CFH: variants seen among roughly 807,000 people sequenced by gnomAD.
CFH encodes the protein complement factor H.
A neutral mutation model predicts 147.3 loss-of-function variants in CFH; 53 were observed. That is an observed-to-expected ratio of 0.36 (90% CI 0.29 to 0.45). The LOEUF (loss-of-function observed/expected upper bound fraction) is 0.45, where lower values mean the gene tolerates loss of function less well. Ranked by LOEUF, CFH falls within the 20% of genes least tolerant of loss-of-function variation. The pLI is 1.00. For synonymous variants in CFH, 536 were observed against 489.4 expected, an observed-to-expected ratio of 1.10 and a Z score of -1.26; for missense variants, 1,380 against 1,498.0, an observed-to-expected ratio of 0.92 and a Z score of 1.30.
rs1480626175 is a variant in CFH at position 196,679,683 on chromosome 1, A to T, written c.680A>T (p.Tyr227Phe). 6.2e-7 allele frequency: 1 copy of T among 1,608,768 alleles called. No individual in the cohort carries two copies. The highest frequency in any genetic ancestry group is 1.7e-5 in the Admixed American group (1 of 59,740). Residue 227 changes from tyrosine to phenylalanine, a missense_variant, in exon 6 of 22, where the codon TAT (tyrosine) becomes TTT (phenylalanine). Physicochemically the swap from Tyr to Phe is conservative, Grantham distance 22. Around this residue, in one of 4 missense-constraint regions of CFH, gnomAD observed 167 missense variants for 228.0 expected, o/e 0.73. Transcript: ENST00000367429. ...NGSPISQKII[Y>F]KENERFQYKC... ...TCTCCTATATCTCAGAAGATTATTT[A>T]TAAGGAGAATGAACGATTTCAATAT...
Position 196,685,144 on chromosome 1 carries a change from A to T in CFH, c.871A>T (p.Thr291Ser), listed in dbSNP as rs1667782740. Reference sequence around the variant, plus strand: ...TAAACACAGAACTGGAGATGAAATCACGTACCAGTGTAGAAATGGTTTTTA... The same window carrying T: ...TAAACACAGAACTGGAGATGAAATCTCGTACCAGTGTAGAAATGGTTTTTA... ...RIKHRTGDEITYQCRNGFYPA... is the reference protein window; with the variant it reads ...RIKHRTGDEISYQCRNGFYPA... The change falls in exon 7 of 22, where the codon ACG (threonine) becomes TCG (serine). Residue 291 changes from threonine (T) to serine (S), a missense_variant. Thr to Ser is a moderately conservative substitution (Grantham distance 58). This residue lies in a region of CFH where 167 missense variants were observed against 228.0 expected (regional missense o/e 0.73). Coordinates refer to ENST00000367429, the MANE Select transcript of CFH (RefSeq NM_000186.4). 6.2e-7 allele frequency: 1 copy of T among 1,612,808 alleles called. No individual in the cohort carries two copies. The highest frequency in any genetic ancestry group is 8.5e-7 in the Non-Finnish European group (1 of 1,179,012).
chr1:196,690,127 G>A lies in CFH; in HGVS notation c.1224G>A (p.Gln408=). The change falls in exon 9 of 22, where the codon CAG becomes CAA. Residue 408 remains glutamine (Q), a synonymous_variant. Coordinates refer to ENST00000367429, the MANE Select transcript of CFH (RefSeq NM_000186.4). The stretch of plus-strand genomic sequence containing the variant: ...AAAATCATGGAAGAAAGTTTGTACA[G>A]GGTAAATCTATAGACGTTGCCTGCC... ...YNQNHGRKFV[Q]GKSIDVACHP... 6.2e-7 allele frequency: 1 copy of A among 1,612,980 alleles called. No homozygotes were observed. Among genetic ancestry groups the A allele is most frequent in the Non-Finnish European group, 8.5e-7 (1 of 1,179,300 alleles).
chr1:196,679,916 A>T (rs1667591800), intron 6 of CFH, 123 bp downstream of exon 6: 2 of 879,096 alleles, frequency 2.3e-6, no homozygotes, highest in African/African-American at 3.4e-5. Context: ...AACTATTATA[A>T]AAAACATATA....
intron 1 of CFH, among the ~76,000 whole-genome samples, chr1:196,667,735 G>T (rs1333639343): frequency 1.3e-5 from 2 of 151,858 alleles, no homozygotes; most frequent in Non-Finnish European, 2.9e-5. Flanking sequence ...ACTTACTTTT[G>T]CCTCAATTTT....
At chr1:196,686,802 C>T (rs1404469277) in intron 7 of CFH, among the ~76,000 whole-genome samples, 1 of 152,090 alleles carries the variant, frequency 6.6e-6, no homozygotes, top group Non-Finnish European at 1.5e-5. Flanking sequence ...TAATGTTTGA[C>T]AATGAACCAT....
chr1:196,656,309 GAAAAA>G (rs111440999), intron 1 of CFH, among the ~76,000 whole-genome samples: 1 of 84,988 alleles, frequency 1.2e-5, no homozygotes, highest in Non-Finnish European at 3.0e-5. Flanking sequence ...ATCTCAAAAA[GAAAAA>G]AAAAAAAAAG....
At position 196,745,842 on chromosome 1, in the gene CFH, T is replaced by C. The variant is rs1348490935; in HGVS notation, c.3336T>C (p.Pro1112=). Residue 1112 remains proline (P), a synonymous_variant, in exon 21 of 22, where the codon CCT becomes CCC. Coordinates refer to ENST00000367429, the MANE Select transcript of CFH (RefSeq NM_000186.4). ...ATTCTACAGGAAAATGTGGGCCCCC[T>C]CCACCTATTGACAATGGGGACATTA... The part of the protein sequence containing the change: ...CKDSTGKCGP[P]PPIDNGDITS... 1.9e-6 allele frequency: 3 copies of C among 1,614,086 alleles called. No homozygotes were observed. The highest frequency in any genetic ancestry group is 2.2e-5 in the East Asian group (1 of 44,866).
chr1:196,669,550 T>G (rs1408748858), intron 1 of CFH, among the ~76,000 whole-genome samples: 1 of 152,206 alleles, frequency 6.6e-6, no homozygotes, highest in East Asian at 1.9e-4. Context: ...ACATACAGCT[T>G]GGGCCATTGC....
At chr1:196,693,425 T>C (rs1668135080) in intron 9 of CFH, among the ~76,000 whole-genome samples, 1 of 152,128 alleles carries the variant, frequency 6.6e-6, no homozygotes, top group African/African-American at 2.4e-5. Flanking sequence ...AGAAAAAAGC[T>C]GCACTAGTCC....
intron 1 of CFH, among the ~76,000 whole-genome samples, chr1:196,671,181 T>C (rs932630080): frequency 1.3e-5 from 2 of 152,152 alleles, no homozygotes; most frequent in Non-Finnish European, 2.9e-5. Context: ...ATATCTTTTT[T>C]AAATTTTCAT....
intron 15 of CFH, among the ~76,000 whole-genome samples, chr1:196,736,333 C>T (rs372161272): frequency 6.6e-6 from 1 of 152,028 alleles, no homozygotes; most frequent in East Asian, 1.9e-4. Flanking sequence ...GGTCAAGTGT[C>T]AGTACCAAAT....
Position 196,736,950 on chromosome 1 carries a change from A to G in CFH, c.2540A>G (p.Glu847Gly). ...TGCCAAGAAAATTATCTAATTCAGG[A>G]AGGAGAAGAAATTACATGCAAAGAT... The part of the protein sequence containing the change: ...VLCQENYLIQ[E>G]GEEITCKDGR... Residue 847 changes from glutamate to glycine, a missense_variant, in exon 16 of 22, where the codon GAA (glutamate) becomes GGA (glycine). This residue lies in a region of CFH where 830 missense variants were observed against 821.4 expected (regional missense o/e 1.01). Coordinates refer to ENST00000367429, the MANE Select transcript of CFH (RefSeq NM_000186.4). 1 of 1,612,088 alleles carries G rather than the reference A, an allele frequency of 6.2e-7. No homozygotes were observed. Among genetic ancestry groups the G allele is most frequent in the Non-Finnish European group, 8.5e-7 (1 of 1,178,694 alleles).
chr1:196,714,664 TATATAGAGAGAGAGAGAG>T (rs1202683529), intron 10 of CFH, among the ~76,000 whole-genome samples: 205 of 31,702 alleles, frequency 6.5e-3, no homozygotes, highest in Admixed American at 0.014. Context: ...TATATATATA[TATATAGAGAGAGAGAGAG>T]AGAGAGAGAG....
intron 12 of CFH, 57 bp from the exon 13 acceptor site, chr1:196,726,412 AT>A: frequency 3.7e-6 from 5 of 1,344,630 alleles, no homozygotes; most frequent in Admixed American, 1.9e-5. Flanking sequence ...ATTTTACTGA[AT>A]TTTTATATTG....
intron 1 of CFH, among the ~76,000 whole-genome samples, chr1:196,655,156 A>G (rs1558147454): frequency 6.6e-6 from 1 of 152,188 alleles, no homozygotes; most frequent in Admixed American, 6.5e-5. Context: ...AATTATTATC[A>G]TCTGACAACT....
chr1:196,697,398 T>G (rs1024128646), intron 9 of CFH, among the ~76,000 whole-genome samples: 6 of 152,212 alleles, frequency 3.9e-5, no homozygotes, highest in African/African-American at 1.2e-4. Flanking sequence ...AAAAGACACA[T>G]GAAAAAATGC....
chr1:196,741,814 G>T, intron 18 of CFH, 61 bp from the exon 19 acceptor site: 1 of 1,439,234 alleles, frequency 6.9e-7, no homozygotes, highest in East Asian at 2.3e-5. Context: ...TCCATTACAT[G>T]TATTGTATGT....
At chr1:196,698,451 C>G (rs1034079442) in intron 9 of CFH, among the ~76,000 whole-genome samples, 3 of 152,104 alleles carry the variant, frequency 2.0e-5, no homozygotes, top group Non-Finnish European at 4.4e-5. Context: ...CACCTCTACA[C>G]AAATAAAGTA....
intron 15 of CFH, among the ~76,000 whole-genome samples, chr1:196,730,638 C>A (rs1335463508): frequency 6.6e-6 from 1 of 151,712 alleles, no homozygotes; most frequent in African/African-American, 2.4e-5. Flanking sequence ...TATTGATATT[C>A]TGTCTGGATG....
Sources: allele counts gnomAD v4.1 joint callset (sites outside exome capture counted in the v4.1 genomes callset), GRCh38; gene constraint gnomAD v4.1.1; regional missense constraint gnomAD v4.1.1; transcripts MANE v1.5; gene names NCBI Gene and HGNC (gene_info 2026-07-23, HGNC 2026-07-21).